The following BMERB1 variants were observed in gnomAD, a reference collection of about 807,000 sequenced individuals.
BMERB1 encodes bMERB domain-containing protein 1.
In BMERB1, 12 loss-of-function variants were observed where a neutral mutation model predicts 23.6. That is an observed-to-expected ratio of 0.51 (90% CI 0.33 to 0.82). BMERB1 has a LOEUF of 0.82. BMERB1 is among the 40% of genes least tolerant of loss of function. The pLI is 0.03. For missense variants in BMERB1, 247 were observed against 255.4 expected (o/e 0.97, Z 0.22); for synonymous variants, 122 against 96.6 (o/e 1.26, Z -1.54).
intron 1 of BMERB1, among the ~76,000 whole-genome samples, chr16:15,487,266 C>A (rs769623813): frequency 1.3e-5 from 2 of 152,102 alleles, no homozygotes; most frequent in Non-Finnish European, 2.9e-5. Flanking sequence ...CAATTCTTGC[C>A]ATCTTACCTA....
intron 5 of BMERB1, 27 bp from the exon 6 acceptor site, chr16:15,586,690 T>C: frequency 1.3e-6 from 2 of 1,558,612 alleles, no homozygotes; most frequent in African/African-American, 1.3e-5. Context: ...TTTCTCCCCC[T>C]CTCCCTGTGC....
At chr16:15,571,710 A>G (rs1687714287) in intron 3 of BMERB1, among the ~76,000 whole-genome samples, 1 of 152,070 alleles carries the variant, frequency 6.6e-6, no homozygotes, top group Non-Finnish European at 1.5e-5. Flanking sequence ...AAGGCCACCT[A>G]TCTTCCCAGG....
chr16:15,482,680 G>A (rs990331139), intron 1 of BMERB1, among the ~76,000 whole-genome samples: 5 of 152,144 alleles, frequency 3.3e-5, no homozygotes, highest in Admixed American at 1.3e-4. Flanking sequence ...ACTTCTGGGG[G>A]CTGCCGTGTA....
chr16:15,463,618 A>G (rs2051155460), intron 1 of BMERB1, among the ~76,000 whole-genome samples: 1 of 152,044 alleles, frequency 6.6e-6, no homozygotes, highest in Admixed American at 6.6e-5. Context: ...GGCCTCCTCT[A>G]ATATATTTTC....
At chr16:15,483,599 C>T (rs1291179403) in intron 1 of BMERB1, among the ~76,000 whole-genome samples, 2 of 152,056 alleles carry the variant, frequency 1.3e-5, no homozygotes, top group African/African-American at 4.8e-5. Context: ...AGGCTGGTCT[C>T]GAACTCTTGA....
chr16:15,562,105 C>T (rs1046850937), intron 2 of BMERB1, among the ~76,000 whole-genome samples: 2 of 150,996 alleles, frequency 1.3e-5, no homozygotes, highest in Non-Finnish European at 2.9e-5. Context: ...ATCAGGTGTT[C>T]GAGACCAGCC....
intron 1 of BMERB1, among the ~76,000 whole-genome samples, chr16:15,503,701 C>G (rs1284057246): frequency 6.6e-6 from 1 of 152,152 alleles, no homozygotes; most frequent in Non-Finnish European, 1.5e-5. Context: ...GCAGCAACTT[C>G]ATGAGGCAGG....
intron 2 of BMERB1, among the ~76,000 whole-genome samples, chr16:15,564,822 C>G (rs558574922): frequency 1.3e-5 from 2 of 152,164 alleles, no homozygotes; most frequent in Non-Finnish European, 2.9e-5. Context: ...GACCTGCTGC[C>G]ATAAATGTGT....
chr16:15,525,122 G>GCC (rs1398819363), intron 2 of BMERB1, among the ~76,000 whole-genome samples: 1 of 148,126 alleles, frequency 6.8e-6, no homozygotes, highest in Non-Finnish European at 1.5e-5. Flanking sequence ...AAAGCAGACT[G>GCC]CCCTCCCTAA....
chr16:15,543,248 CCTT>C (rs1043698930), intron 2 of BMERB1, among the ~76,000 whole-genome samples: 1 of 152,098 alleles, frequency 6.6e-6, no homozygotes, highest in African/African-American at 2.4e-5. Flanking sequence ...TCTCTTCTCT[CCTT>C]CTCTGCCACG....
At chr16:15,573,069 G>A (rs2030770760) in intron 3 of BMERB1, among the ~76,000 whole-genome samples, 1 of 152,156 alleles carries the variant, frequency 6.6e-6, no homozygotes, top group Admixed American at 6.5e-5. Context: ...GTTTTTATCA[G>A]CAGCGTGAAA....
At chr16:15,471,089 G>T (rs548726355) in intron 1 of BMERB1, among the ~76,000 whole-genome samples, 5 of 151,818 alleles carry the variant, frequency 3.3e-5, no homozygotes, top group African/African-American at 1.2e-4. Context: ...CTCCTGCCTC[G>T]GCCTCCCAAA....
At chr16:15,449,737 G>A (rs1207355468) in intron 1 of BMERB1, among the ~76,000 whole-genome samples, 2 of 151,892 alleles carry the variant, frequency 1.3e-5, no homozygotes, top group African/African-American at 2.4e-5. Context: ...CTAGAGACAA[G>A]CTTTCACCAT....
chr16:15,447,176 T>G (rs1280809191), intron 1 of BMERB1, among the ~76,000 whole-genome samples: 1 of 152,148 alleles, frequency 6.6e-6, no homozygotes, highest in African/African-American at 2.4e-5. Flanking sequence ...ATAAAGATAC[T>G]ACCTGAGACT....
chr16:15,574,157 G>A (rs1323016013), intron 3 of BMERB1, among the ~76,000 whole-genome samples: 2 of 151,794 alleles, frequency 1.3e-5, no homozygotes, highest in Non-Finnish European at 2.9e-5. Flanking sequence ...TCTTCACAAG[G>A]TGACAGGAAG....
chr16:15,489,054 C>A (rs974997767), intron 1 of BMERB1, among the ~76,000 whole-genome samples: 2 of 152,086 alleles, frequency 1.3e-5, no homozygotes, highest in African/African-American at 4.8e-5. Flanking sequence ...TTCTTTTCCC[C>A]CAGGGGGGTT....
chr16:15,583,458 A>G (rs1298164830), intron 5 of BMERB1, among the ~76,000 whole-genome samples: 1 of 151,704 alleles, frequency 6.6e-6, no homozygotes, highest in Non-Finnish European at 1.5e-5. Context: ...CACACCTGAA[A>G]TCCCAGCTAC....
At position 15,554,142 on chromosome 16, in the gene BMERB1, TC is replaced by T. The variant is rs550043609; in HGVS notation, c.231-13840del. On this transcript the variant is annotated intron_variant, in intron 2 of 5. Coordinates refer to ENST00000300006, the MANE Select transcript of BMERB1 (RefSeq NM_033201.3). Reference sequence around the variant, plus strand: ...TGTGCCCTCCCCTGTAAGTTGCATCTCGATTTGAGCAGCCTTCTCCCAGACT... The same window carrying T: ...TGTGCCCTCCCCTGTAAGTTGCATCTGATTTGAGCAGCCTTCTCCCAGACT... 3.2e-4 allele frequency among the ~76,000 whole-genome samples: 48 copies of T among 152,252 alleles called. No individual in the cohort carries two copies. In the East Asian group the frequency reaches 9.3e-3, roughly 29 times the overall value.
chr16:15,515,228 C>T (rs1208657060), intron 1 of BMERB1, 77 bp from the exon 2 acceptor site: 6 of 1,599,014 alleles, frequency 3.8e-6, no homozygotes, highest in East Asian at 4.5e-5. Context: ...CAAGGCTGTG[C>T]CCTGGAACCA....
Sources: gnomAD v4.1 joint callset for allele counts (sites outside exome capture counted in the v4.1 genomes callset) on GRCh38, gnomAD v4.1.1 for gene constraint, MANE v1.5 for transcripts, NCBI Gene and HGNC (gene_info 2026-07-23, HGNC 2026-07-21) for gene names.